Variants in RNF17 observed in about 807,000 individuals in gnomAD.
RNF17 encodes ring finger protein 17.
A neutral mutation model predicts 200.5 loss-of-function variants in RNF17; 31 were observed. The ratio of observed to expected loss-of-function variants is 0.15; its 90% CI spans 0.12 to 0.21. RNF17 has a LOEUF of 0.21. Ranked by LOEUF, RNF17 falls within the 10% of genes least tolerant of loss-of-function variation. RNF17 has a pLI of 1.00. For synonymous variants in RNF17, 606 were observed against 637.8 expected (o/e 0.95, Z 0.75); for missense variants, 1,628 against 1,905.1 (o/e 0.85, Z 2.71).
chr13:24,874,102 C>A lies in RNF17; in HGVS notation c.4448-12C>A, dbSNP rs371332780. On this transcript the variant is annotated splice_polypyrimidine_tract_variant and intron_variant, in intron 32 of 35. Transcript: ENST00000255324. The stretch of plus-strand genomic sequence containing the variant: ...AGACAATATGATTTTTTCCCTTTTT[C>A]TGTCTTTCCAGAAATGCCTTGCCTT... 6.3e-7 allele frequency: 1 copy of A among 1,599,930 alleles called. No homozygotes were observed.
chr13:24,781,961 T>C lies in RNF17; in HGVS notation c.611+17T>C, dbSNP rs1479532208. ...TGATTCCAGGTTAGTAACTTAAAAA[T>C]ATGGACTCAATGAAACTGAAGTTTC... On this transcript the variant is annotated intron_variant, in intron 6 of 35. Coordinates refer to ENST00000255324, the MANE Select transcript of RNF17 (RefSeq NM_031277.3). 1.4e-6 allele frequency: 2 copies of C among 1,475,576 alleles called. No individual in the cohort carries two copies. Among genetic ancestry groups the C allele is most frequent in the Non-Finnish European group, 1.9e-6 (2 of 1,057,416 alleles). The allele number at this position is 1,475,576 out of a possible 1,614,324, so 91.4% of individuals were successfully genotyped here.
chr13:24,835,064 C>T (rs1262689835), intron 18 of RNF17, among the ~76,000 whole-genome samples: 1 of 152,136 alleles, frequency 6.6e-6, no homozygotes, highest in Admixed American at 6.5e-5. Context: ...TCCCCCACTT[C>T]CCTGACAACC....
chr13:24,788,428 A>T (rs1883402904), intron 7 of RNF17, among the ~76,000 whole-genome samples: 1 of 152,050 alleles, frequency 6.6e-6, no homozygotes. Context: ...GTAACACTTG[A>T]TCTGAGAGCA....
intron 12 of RNF17, among the ~76,000 whole-genome samples, chr13:24,799,869 T>TA (rs1335258099): frequency 1.3e-5 from 2 of 152,154 alleles, no homozygotes; most frequent in Non-Finnish European, 2.9e-5. Flanking sequence ...TTTTAAATGT[T>TA]ACAGTTAGCA....
At chr13:24,821,861 A>G (rs773424869) in intron 15 of RNF17, among the ~76,000 whole-genome samples, 1 of 152,192 alleles carries the variant, frequency 6.6e-6, no homozygotes, top group Non-Finnish European at 1.5e-5. Flanking sequence ...AAATAATTTC[A>G]GAAAATAATG....
intron 5 of RNF17, among the ~76,000 whole-genome samples, chr13:24,781,292 T>C (rs765579261): frequency 1.7e-4 from 26 of 152,046 alleles, no homozygotes; most frequent in Non-Finnish European, 3.4e-4. Flanking sequence ...TTTAGTACAC[T>C]CATCAGTGGA....
At chr13:24,816,179 C>T (rs1423354663) in intron 15 of RNF17, among the ~76,000 whole-genome samples, 3 of 152,118 alleles carry the variant, frequency 2.0e-5, no homozygotes, top group East Asian at 1.9e-4. Flanking sequence ...GGAGTACAGC[C>T]GTGGGCCACT....
intron 15 of RNF17, among the ~76,000 whole-genome samples, chr13:24,809,726 T>G (rs1337350506): frequency 1.3e-5 from 2 of 152,210 alleles, no homozygotes; most frequent in African/African-American, 4.8e-5. Context: ...GTTTAAATTG[T>G]GATGTTAGGG....
At chr13:24,866,601 C>G (rs1000492738) in intron 30 of RNF17, among the ~76,000 whole-genome samples, 7 of 152,300 alleles carry the variant, frequency 4.6e-5, no homozygotes, top group Non-Finnish European at 7.4e-5. Context: ...GTATATATAT[C>G]AGTGCTTCAC....
chr13:24,793,844 T>TAC (rs1460771567), intron 10 of RNF17, among the ~76,000 whole-genome samples: 2 of 152,230 alleles, frequency 1.3e-5, no homozygotes, highest in Non-Finnish European at 2.9e-5. Context: ...AGTGAGATAC[T>TAC]ACACTATGTA....
At position 24,778,396 on chromosome 13, in the gene RNF17, C is replaced by G. The variant is rs778737182; in HGVS notation, c.419C>G (p.Ala140Gly). The G allele has an allele frequency of 1.7e-5, 28 of 1,607,878 alleles. No individual in the cohort carries two copies. Among genetic ancestry groups the G allele is most frequent in the Non-Finnish European group, 2.2e-5 (26 of 1,174,536 alleles). ...STDKTLLNSSAVMLDTNTAEE... is the reference protein window; with the variant it reads ...STDKTLLNSSGVMLDTNTAEE... The stretch of plus-strand genomic sequence containing the variant: ...GACAAGACTCTTTTGAACTCATCAG[C>G]TGTAATGTTGGTATGAAACATATTG... Residue 140 changes from alanine (A) to glycine (G), a missense_variant, in exon 4 of 36, where the codon GCT (alanine) becomes GGT (glycine). By Grantham distance (60) the Ala-to-Gly change is moderately conservative. Transcript: ENST00000255324.
upstream of RNF17, among the ~76,000 whole-genome samples, chr13:24,763,367 TAA>T: frequency 1.0e-5 from 1 of 100,452 alleles, no homozygotes; most frequent in Non-Finnish European, 2.0e-5. Flanking sequence ...CACGTCCGGC[TAA>T]TTTTTTTTTT....
chr13:24,796,219 C>G lies in RNF17; in HGVS notation c.1323C>G (p.Ala441=). Residue 441 remains alanine, a synonymous_variant, in exon 11 of 36, where the codon GCC becomes GCG. Transcript: ENST00000255324. The stretch of plus-strand genomic sequence containing the variant: ...GGAAGTATTCACAAATAAAAGACGC[C>G]AAAGTACTGGAGAAGAAGGTGAATG... ...YIRKYSQIKD[A]KVLEKKVNEF... is the part of the protein sequence containing the mutation. 6.2e-7 allele frequency: 1 copy of G among 1,612,018 alleles called. No individual in the cohort carries two copies. Among genetic ancestry groups the G allele is most frequent in the South Asian group, 1.1e-5 (1 of 90,864 alleles).
At chr13:24,754,179 A>T in the RNF17 span, among the ~76,000 whole-genome samples, 14 of 150,436 alleles carry the variant, frequency 9.3e-5, no homozygotes, top group African/African-American at 3.2e-4. Context: ...AAAAAAAAAT[A>T]AAATAAAATA....
chr13:24,817,794 A>G (rs1173111886), intron 15 of RNF17, among the ~76,000 whole-genome samples: 2 of 151,828 alleles, frequency 1.3e-5, no homozygotes, highest in Non-Finnish European at 2.9e-5. Flanking sequence ...TTAACTTCAG[A>G]CTTCTCTTTC....
chr13:24,864,679 A>G (rs1893443197), intron 28 of RNF17, among the ~76,000 whole-genome samples, 194 bp from the exon 29 acceptor site: 1 of 152,226 alleles, frequency 6.6e-6, no homozygotes, highest in Non-Finnish European at 1.5e-5. Flanking sequence ...TGTATATTAC[A>G]TAAACCAAAG....
At position 24,774,892 on chromosome 13, in the gene RNF17, T is replaced by C. The variant is rs1191671035; in HGVS notation, c.305T>C (p.Leu102Pro). The C allele has an allele frequency of 6.2e-7, 1 of 1,600,320 alleles. No individual in the cohort carries two copies. Among genetic ancestry groups the C allele is most frequent in the Non-Finnish European group, 8.6e-7 (1 of 1,167,878 alleles). The change falls in exon 3 of 36, where the codon CTG (leucine) becomes CCG (proline). Residue 102 changes from leucine (L) to proline (P), a missense_variant. This residue lies in a region of RNF17 where 502 missense variants were observed against 501.7 expected (regional missense o/e 1.00). Transcript: ENST00000255324. ...AAGGAAGACTCCATAATGGAAAAAC[T>C]GCAGCCTAAGACGTATGTTCCATGT... Reference protein sequence around the residue: ...YIKEDSIMEKLQPKTIKNCSQ... With the variant: ...YIKEDSIMEKPQPKTIKNCSQ...
intron 1 of RNF17, among the ~76,000 whole-genome samples, chr13:24,765,103 C>T (rs554277081): frequency 6.6e-6 from 1 of 152,272 alleles, no homozygotes; most frequent in South Asian, 2.1e-4. Context: ...GCAAGCTCCG[C>T]CTCCCAGGTT....
intron 10 of RNF17, among the ~76,000 whole-genome samples, chr13:24,795,062 G>A (rs2137672463): frequency 6.6e-6 from 1 of 152,148 alleles, no homozygotes; most frequent in South Asian, 2.1e-4. Context: ...TGTCACCCCA[G>A]TTGTATGTGT....
Sources: gnomAD v4.1 joint callset for allele counts (sites outside exome capture counted in the v4.1 genomes callset) on GRCh38, gnomAD v4.1.1 for gene constraint, gnomAD v4.1.1 regional missense constraint, MANE v1.5 for transcripts, NCBI Gene and HGNC (gene_info 2026-07-23, HGNC 2026-07-21) for gene names.